Variants in PDE4B observed in about 807,000 individuals in gnomAD.
The protein encoded by PDE4B is 3',5'-cyclic-AMP phosphodiesterase 4B.
Under a neutral mutation model 82.2 loss-of-function variants are expected in PDE4B, and 20 were observed. The ratio of observed to expected loss-of-function variants is 0.24; its 90% CI spans 0.17 to 0.35. The LOEUF (loss-of-function observed/expected upper bound fraction) is 0.35, where lower values mean the gene tolerates loss of function less well. Ranked by LOEUF, PDE4B falls within the 10% of genes least tolerant of loss-of-function variation. The probability of loss-of-function intolerance (pLI) is 1.00; values close to 1 mark genes in which losing one functional copy is unlikely to be tolerated. For synonymous variants in PDE4B, 320 were observed against 318.9 expected (o/e 1.00, Z -0.04); for missense variants, 655 against 907.2 (o/e 0.72, Z 3.57).
At chr1:66,161,578 A>G (rs528201062) in intron 3 of PDE4B, among the ~76,000 whole-genome samples, 1 of 152,110 alleles carries the variant, frequency 6.6e-6, no homozygotes, top group South Asian at 2.1e-4. Flanking sequence ...ACCTATGTAA[A>G]TTATTTAAGT....
intron 3 of PDE4B, among the ~76,000 whole-genome samples, chr1:66,063,194 A>C (rs1557534195): frequency 6.6e-6 from 1 of 152,054 alleles, no homozygotes. Flanking sequence ...TCCTCACAGC[A>C]CTGCAAAGAT....
At chr1:66,332,223 C>T (rs893430115) in intron 7 of PDE4B, 1 of 1,442,904 alleles carries the variant, frequency 6.9e-7, no homozygotes, top group Non-Finnish European at 9.0e-7. Flanking sequence ...TATAAGAGAC[C>T]GTTCCCTCCG....
At chr1:65,911,852 C>T (rs1311876897) in intron 1 of PDE4B, among the ~76,000 whole-genome samples, 8 of 152,178 alleles carry the variant, frequency 5.3e-5, no homozygotes, top group South Asian at 4.1e-4. Context: ...CTGCCAACTC[C>T]TGCATAATGT....
intron 3 of PDE4B, among the ~76,000 whole-genome samples, chr1:65,997,698 G>T (rs1169851953): frequency 1.3e-5 from 2 of 152,264 alleles, no homozygotes; most frequent in Middle Eastern, 3.4e-3. Context: ...CAAAACAGTT[G>T]TTAAGAGCCT....
intron 3 of PDE4B, among the ~76,000 whole-genome samples, chr1:66,028,240 T>C (rs1266203992): frequency 6.6e-6 from 1 of 152,190 alleles, no homozygotes; most frequent in African/African-American, 2.4e-5. Flanking sequence ...TTGCCAAAGC[T>C]TGGGGATTCC....
At chr1:65,954,991 C>T (rs999797021) in intron 3 of PDE4B, among the ~76,000 whole-genome samples, 1 of 151,928 alleles carries the variant, frequency 6.6e-6, no homozygotes, top group Non-Finnish European at 1.5e-5. Flanking sequence ...TAATAAGTGG[C>T]AAGCAACAAT....
intron 3 of PDE4B, among the ~76,000 whole-genome samples, chr1:66,192,660 A>T (rs1647926425): frequency 6.6e-6 from 1 of 152,214 alleles, no homozygotes; most frequent in Non-Finnish European, 1.5e-5. Flanking sequence ...CAATGGAGAC[A>T]TGGCTTTCAT....
intron 8 of PDE4B, 40 bp from the exon 9 acceptor site, chr1:66,355,487 T>C (rs774300682): frequency 7.6e-7 from 1 of 1,316,330 alleles, no homozygotes; most frequent in Admixed American, 1.7e-5. Flanking sequence ...ACATTTGCTC[T>C]TTTTAAAGTG....
intron 1 of PDE4B, among the ~76,000 whole-genome samples, chr1:65,895,688 T>C (rs1003506046): frequency 1.2e-4 from 18 of 151,670 alleles, no homozygotes; most frequent in African/African-American, 4.4e-4. Flanking sequence ...ATTTACCTTC[T>C]TTAAATAAGT....
At chr1:66,157,550 C>G (rs1360330265) in intron 3 of PDE4B, among the ~76,000 whole-genome samples, 1 of 152,204 alleles carries the variant, frequency 6.6e-6, no homozygotes, top group African/African-American at 2.4e-5. Context: ...CAGACCTTCT[C>G]ATAATTCATT....
Position 66,368,114 on chromosome 1 carries a change from C to T in PDE4B, c.1662+49C>T, listed in dbSNP as rs765474418. ...TAACACAAAACCAAACCAAACTAAG[C>T]TGAACAACAATTAGAAAAAGAAAAC... On this transcript the variant is annotated intron_variant, in intron 15 of 16. Transcript: ENST00000341517. 68 of 1,585,942 alleles carry T rather than the reference C, an allele frequency of 4.3e-5. No individual in the cohort carries two copies. The Admixed American group carries it at 1.1e-3, about 26-fold the overall frequency.
At chr1:66,062,102 C>G (rs1266853007) in intron 3 of PDE4B, among the ~76,000 whole-genome samples, 1 of 152,056 alleles carries the variant, frequency 6.6e-6, no homozygotes, top group Non-Finnish European at 1.5e-5. Context: ...AGGTTGAATA[C>G]TTTAGCCATC....
intron 1 of PDE4B, among the ~76,000 whole-genome samples, chr1:65,885,787 C>G (rs1322311946): frequency 6.6e-6 from 1 of 151,180 alleles, no homozygotes; most frequent in Non-Finnish European, 1.5e-5. Flanking sequence ...GTGCAGCACA[C>G]CAACATGGCA....
At chr1:65,851,745 C>T (rs920645618) in intron 1 of PDE4B, among the ~76,000 whole-genome samples, 1 of 151,624 alleles carries the variant, frequency 6.6e-6, no homozygotes, top group Non-Finnish European at 1.5e-5. Flanking sequence ...TAAAGGAGGT[C>T]TGTCTTTCTT....
intron 3 of PDE4B, among the ~76,000 whole-genome samples, chr1:66,109,076 G>C (rs1645429891): frequency 6.6e-6 from 1 of 151,894 alleles, no homozygotes; most frequent in African/African-American, 2.4e-5. Context: ...AATATCCCTT[G>C]CTAATCAGTA....
chr1:65,818,002 C>CA (rs897006042), intron 1 of PDE4B, among the ~76,000 whole-genome samples: 34 of 150,542 alleles, frequency 2.3e-4, no homozygotes, highest in East Asian at 5.8e-4. Context: ...CTCTAGTTGT[C>CA]AAAAAAAAAG....
At chr1:65,816,699 C>T (rs1207236084) in intron 1 of PDE4B, among the ~76,000 whole-genome samples, 1 of 151,940 alleles carries the variant, frequency 6.6e-6, no homozygotes, top group African/African-American at 2.4e-5. Flanking sequence ...CTATTAAAGC[C>T]ATGAAAATCA....
At chr1:66,007,244 A>G (rs1652201249) in intron 3 of PDE4B, among the ~76,000 whole-genome samples, 1 of 152,180 alleles carries the variant, frequency 6.6e-6, no homozygotes, top group African/African-American at 2.4e-5. Flanking sequence ...CAGGCATTCA[A>G]GACTAGCCTG....
chr1:66,031,324 A>G (rs1653764672), intron 3 of PDE4B, among the ~76,000 whole-genome samples: 1 of 152,156 alleles, frequency 6.6e-6, no homozygotes, highest in Non-Finnish European at 1.5e-5. Context: ...TCCTTTATAG[A>G]GAAGAGCAAT....
Sources: allele counts gnomAD v4.1 joint callset (sites outside exome capture counted in the v4.1 genomes callset), GRCh38; gene constraint gnomAD v4.1.1; transcripts MANE v1.5; gene names NCBI Gene and HGNC (gene_info 2026-07-23, HGNC 2026-07-21).